DLGAP2: variants seen among roughly 807,000 people sequenced by gnomAD.
DLGAP2 encodes disks large-associated protein 2.
A neutral mutation model predicts 100.3 loss-of-function variants in DLGAP2; 26 were observed. The ratio of observed to expected loss-of-function variants is 0.26; its 90% CI spans 0.19 to 0.36. DLGAP2 has a LOEUF of 0.36. Ranked by LOEUF, DLGAP2 falls within the 10% of genes least tolerant of loss-of-function variation. The pLI is 1.00. For missense variants in DLGAP2, 1,858 were observed against 1,453.2 expected (o/e 1.28, Z -4.53); for synonymous variants, 886 against 630.1 (o/e 1.41, Z -6.08).
At chr8:1,187,004 C>T (rs771039842) in intron 2 of DLGAP2, among the ~76,000 whole-genome samples, 5 of 152,146 alleles carry the variant, frequency 3.3e-5, no homozygotes, top group Non-Finnish European at 7.3e-5. Context: ...AATCTAAGCC[C>T]GGCCTCAGTG....
At chr8:814,850 C>CAAAAAAAAAAAAAAAAAAAAAAAAA (rs34412684) in intron 1 of DLGAP2, among the ~76,000 whole-genome samples, 2 of 61,868 alleles carry the variant, frequency 3.2e-5, no homozygotes, top group African/African-American at 6.6e-5. Flanking sequence ...GACTCCGTCT[C>CAAAAAAAAAAAAAAAAAAAAAAAAA]AAAAAAAAAA....
At chr8:1,234,764 AGCTGCCT>A (rs1798607457) in intron 2 of DLGAP2, among the ~76,000 whole-genome samples, 1 of 152,218 alleles carries the variant, frequency 6.6e-6, no homozygotes, top group South Asian at 2.1e-4. Flanking sequence ...GTTAGGATCA[AGCTGCCT>A]CTGCCTTGCG....
chr8:1,564,135 T>C (rs1802299317), intron 5 of DLGAP2, among the ~76,000 whole-genome samples: 1 of 152,178 alleles, frequency 6.6e-6, no homozygotes, highest in African/African-American at 2.4e-5. Flanking sequence ...GCATGCTGTG[T>C]TCTTTTGCCT....
chr8:1,466,198 A>G (rs967852597), intron 3 of DLGAP2, among the ~76,000 whole-genome samples: 1 of 152,220 alleles, frequency 6.6e-6, no homozygotes, highest in African/African-American at 2.4e-5. Context: ...TCAAACCGAC[A>G]GTAAAATAAA....
chr8:1,314,767 C>G (rs1414178509), intron 3 of DLGAP2, among the ~76,000 whole-genome samples: 5 of 152,228 alleles, frequency 3.3e-5, no homozygotes, highest in African/African-American at 1.2e-4. Context: ...CCACTTCTCT[C>G]TCTTTTCTGA....
chr8:1,146,684 C>T (rs188472194), intron 2 of DLGAP2, among the ~76,000 whole-genome samples: 36 of 152,204 alleles, frequency 2.4e-4, no homozygotes, highest in Non-Finnish European at 4.7e-4. Context: ...TGTGCATGTG[C>T]CTGTGTAGGG....
intron 2 of DLGAP2, among the ~76,000 whole-genome samples, chr8:1,081,705 T>C (rs1384607112): frequency 6.6e-6 from 1 of 152,216 alleles, no homozygotes; most frequent in Non-Finnish European, 1.5e-5. Context: ...TTCCATTCTG[T>C]TCTTTCATGA....
intron 2 of DLGAP2, among the ~76,000 whole-genome samples, chr8:1,124,051 G>A (rs1459562275): frequency 6.6e-6 from 1 of 152,112 alleles, no homozygotes; most frequent in Admixed American, 6.5e-5. Context: ...TTCCCTGTAT[G>A]CAGACCAAAC....
intron 4 of DLGAP2, among the ~76,000 whole-genome samples, chr8:1,541,659 G>T (rs945777576): frequency 6.6e-6 from 1 of 152,158 alleles, no homozygotes; most frequent in African/African-American, 2.4e-5. Context: ...GAGCCCACTG[G>T]GTTCTAGAAC....
chr8:739,394 G>A (rs1008471015), intron 1 of DLGAP2: 1 of 152,266 alleles, frequency 6.6e-6, no homozygotes, highest in Admixed American at 6.5e-5. Flanking sequence ...AAATAACCCG[G>A]TACCTCGGCG....
At chr8:1,214,480 T>G (rs1222210302) in intron 2 of DLGAP2, among the ~76,000 whole-genome samples, 4 of 152,210 alleles carry the variant, frequency 2.6e-5, no homozygotes, top group African/African-American at 9.6e-5. Flanking sequence ...ACCACCACTT[T>G]ACGTAGGAGA....
At chr8:910,287 T>C (rs1798458930) in intron 2 of DLGAP2, 1 of 152,250 alleles carries the variant, frequency 6.6e-6, no homozygotes, top group South Asian at 2.1e-4. Context: ...CTCCATTAAC[T>C]TTATACATGT....
chr8:987,539 G>T (rs534565240), intron 2 of DLGAP2, among the ~76,000 whole-genome samples: 1 of 152,170 alleles, frequency 6.6e-6, no homozygotes, highest in South Asian at 2.1e-4. Flanking sequence ...TCCAGCCTCT[G>T]TTGTTGAACT....
In DLGAP2 at chr8:1,225,487, G is replaced by A. The variant is rs890237701; in HGVS notation, c.74-33364G>A. On this transcript the variant is annotated intron_variant, in intron 2 of 14. Coordinates refer to ENST00000637795, the MANE Select transcript of DLGAP2 (RefSeq NM_001346810.2). ...GTTTCCTTTTGGACTGATGAAAAAC[G>A]TCTTGAAACTGGACAGAGCTGGTTG... Among the ~76,000 whole-genome samples the A allele has an allele frequency of 6.6e-5, 10 of 152,282 alleles. No individual in the cohort carries two copies. In the South Asian group the frequency reaches 8.3e-4, roughly 13 times the overall value.
At chr8:1,165,897 C>G (rs1053081038) in intron 2 of DLGAP2, among the ~76,000 whole-genome samples, 4 of 151,442 alleles carry the variant, frequency 2.6e-5, no homozygotes, top group African/African-American at 7.3e-5. Flanking sequence ...AGATGTGCCA[C>G]TTTTAAGATA....
chr8:1,505,304 G>T (rs1314920224), intron 4 of DLGAP2, among the ~76,000 whole-genome samples: 1 of 152,174 alleles, frequency 6.6e-6, no homozygotes, highest in Non-Finnish European at 1.5e-5. Context: ...AATGCTGTGG[G>T]ACATTTTACA....
At chr8:1,325,557 G>A (rs181212781) in intron 3 of DLGAP2, among the ~76,000 whole-genome samples, 1 of 152,184 alleles carries the variant, frequency 6.6e-6, no homozygotes, top group African/African-American at 2.4e-5. Context: ...ATTAAATCTA[G>A]TTAACGTTTG....
At chr8:778,834 G>A (rs1356718079) in intron 1 of DLGAP2, among the ~76,000 whole-genome samples, 2 of 152,236 alleles carry the variant, frequency 1.3e-5, no homozygotes, top group Non-Finnish European at 2.9e-5. Flanking sequence ...GCCTACAGAG[G>A]CAGGCAGGCC....
rs1402286767 is a variant in DLGAP2 at position 1,282,646 on chromosome 8, G to A, written c.106+23763G>A. On this transcript the variant is annotated intron_variant, in intron 3 of 14. Transcript: ENST00000637795. ...AGACGTGGTGTGACCTGAACCCAGCGCATGAACCATCCAGACGTGGTGTGA... is the reference window on the plus strand; with the variant it reads ...AGACGTGGTGTGACCTGAACCCAGCACATGAACCATCCAGACGTGGTGTGA... Among the ~76,000 whole-genome samples the A allele has an allele frequency of 8.1e-5, 8 of 98,518 alleles. 1 individual carries two copies. In the East Asian group the frequency reaches 1.2e-3, roughly 15 times the overall value. The allele number at this position is 98,518 out of a possible 152,430, so 64.6% of individuals were successfully genotyped here.
Sources: allele counts gnomAD v4.1 joint callset (sites outside exome capture counted in the v4.1 genomes callset), GRCh38; gene constraint gnomAD v4.1.1; transcripts MANE v1.5; gene names NCBI Gene and HGNC (gene_info 2026-07-23, HGNC 2026-07-21).